The following DNAH2 variants were observed in gnomAD, a reference collection of about 807,000 sequenced individuals.
DNAH2 encodes the protein axonemal beta dynein heavy chain 2.
In DNAH2, 323 loss-of-function variants were observed where a neutral mutation model predicts 523.5. The ratio of observed to expected loss-of-function variants is 0.62; its 90% CI spans 0.56 to 0.68. DNAH2 has a LOEUF of 0.68. Ranked by LOEUF, DNAH2 falls within the 30% of genes least tolerant of loss-of-function variation. DNAH2 has a pLI of 0.00. For missense variants in DNAH2, 4,907 were observed against 5,701.5 expected, an observed-to-expected ratio of 0.86 and a Z score of 4.49; for synonymous variants, 2,093 against 2,177.4, an observed-to-expected ratio of 0.96 and a Z score of 1.08.
Position 7,740,066 on chromosome 17 carries a change from C to CT in DNAH2, c.1376+128_1376+129insT, listed in dbSNP as rs150829111. 2.4e-4 allele frequency: 69 copies of CT among 283,034 alleles called. No individual in the cohort carries two copies. In the African/African-American group the frequency reaches 2.5e-3, roughly 10 times the overall value. The allele number at this position is 283,034 out of a possible 1,614,324, so 17.5% of individuals were successfully genotyped here. On this transcript the variant is annotated intron_variant, in intron 9 of 85. Transcript: ENST00000572933. ...ACAGATCGGGATCAGGGCGGTGGCC[C>CT]GGGGGGGGGGACAGGAGAGAGTGCA...
chr17:7,738,004 C>T, intron 8 of DNAH2: 1 of 703,230 alleles, frequency 1.4e-6, no homozygotes, highest in Non-Finnish European at 2.6e-6. Flanking sequence ...ACGCCATCTC[C>T]CTGGACCGGA....
In DNAH2 at chr17:7,787,015, C is replaced by T; in HGVS notation, c.6585C>T (p.Arg2195=). The change falls in exon 42 of 86, where the codon CGC becomes CGT. Residue 2195 remains arginine (R), a synonymous_variant. Transcript: ENST00000572933. Reference sequence around the variant, plus strand: ...TGTTGACCCTCATCAACGGCGAGCGCATCGCGATGCCCGAGCAGGTCAGGG... The same window carrying T: ...TGTTGACCCTCATCAACGGCGAGCGTATCGCGATGCCCGAGCAGGTCAGGG... ...NKVLTLINGE[R]IAMPEQVSLL... is the part of the protein sequence containing the mutation. The T allele has an allele frequency of 1.2e-6, 2 of 1,614,124 alleles. No individual in the cohort carries two copies. Among genetic ancestry groups the T allele is most frequent in the Admixed American group, 3.3e-5 (2 of 60,024 alleles).
At position 7,793,204 on chromosome 17, in the gene DNAH2, G is replaced by C; in HGVS notation, c.7568G>C (p.Arg2523Pro). Residue 2523 changes from arginine (R) to proline (P), a missense_variant and splice_region_variant, in exon 48 of 86, where the codon CGA (arginine) becomes CCA (proline). Arg to Pro is a moderately radical substitution (Grantham distance 103). Around this residue, in one of 3 missense-constraint regions of DNAH2, gnomAD observed 250 missense variants for 371.3 expected, o/e 0.67. Transcript: ENST00000572933. Reference sequence around the variant, plus strand: ...ACGAAGCAGACCATCAAGTACATTCGAGTAAGCCTCGCTAGAGTCTGTTCT... The same window carrying C: ...ACGAAGCAGACCATCAAGTACATTCCAGTAAGCCTCGCTAGAGTCTGTTCT... The part of the protein sequence containing the change: ...DRTKQTIKYI[R>P]EMFLMAAMGP... The C allele has an allele frequency of 6.2e-7, 1 of 1,612,942 alleles. No individual in the cohort carries two copies. Among genetic ancestry groups the C allele is most frequent in the Non-Finnish European group, 8.5e-7 (1 of 1,179,164 alleles).
At chr17:7,794,608 A>G (rs2077013387) in intron 49 of DNAH2, among the ~76,000 whole-genome samples, 1 of 152,184 alleles carries the variant, frequency 6.6e-6, no homozygotes, top group Non-Finnish European at 1.5e-5. Context: ...AGTGAAGCCC[A>G]AGTAGACTAA....
chr17:7,797,779 C>G lies in DNAH2; in HGVS notation c.8180C>G (p.Pro2727Arg). 6.2e-7 allele frequency: 1 copy of G among 1,614,066 alleles called. No homozygotes were observed. The highest frequency in any genetic ancestry group is 8.5e-7 in the Non-Finnish European group (1 of 1,180,010). ...GCTCTAAATGAGTATAACCTGTCACCCTCTGTCGTGCCCATGCAGCTAGTG... is the reference window on the plus strand; with the variant it reads ...GCTCTAAATGAGTATAACCTGTCACGCTCTGTCGTGCCCATGCAGCTAGTG... ...ETALNEYNLS[P>R]SVVPMQLVLF... The change falls in exon 53 of 86, where the codon CCC becomes CGC. Residue 2727 changes from proline (P) to arginine (R), a missense_variant. By Grantham distance (103) the Pro-to-Arg change is moderately radical. Around this residue, in one of 3 missense-constraint regions of DNAH2, gnomAD observed 250 missense variants for 371.3 expected, o/e 0.67. Transcript: ENST00000572933.
In DNAH2 at chr17:7,727,272, G is replaced by C. The variant is rs2074845930; in HGVS notation, c.379G>C (p.Glu127Gln). Reference protein sequence around the residue: ...FIDPCFGLKLELGMPVQTQNQ... With the variant: ...FIDPCFGLKLQLGMPVQTQNQ... ...TGACCCTTGTTTTGGGCTGAAGCTA[G>C]AGCTGGGCATGCCTGTACAGGTGCG... Residue 127 changes from glutamate (E) to glutamine (Q), a missense_variant, in exon 4 of 86, where the codon GAG becomes CAG. Coordinates refer to ENST00000572933, the MANE Select transcript of DNAH2 (RefSeq NM_020877.5). 5.6e-6 allele frequency: 9 copies of C among 1,612,212 alleles called. No homozygotes were observed. In the East Asian group the frequency reaches 2.0e-4, roughly 36 times the overall value.
chr17:7,795,938 A>G (rs1425586800), intron 49 of DNAH2, among the ~76,000 whole-genome samples: 1 of 147,604 alleles, frequency 6.8e-6, no homozygotes, highest in African/African-American at 2.5e-5. Context: ...CGGAAGTTGC[A>G]GTATAAATAA....
intron 63 of DNAH2, among the ~76,000 whole-genome samples, chr17:7,811,626 C>T (rs771302732): frequency 1.3e-5 from 2 of 152,172 alleles, no homozygotes; most frequent in Non-Finnish European, 2.9e-5. Context: ...TCATGGATGA[C>T]GCTTATGTGT....
intron 5 of DNAH2, among the ~76,000 whole-genome samples, 189 bp from the exon 6 acceptor site, chr17:7,733,994 C>T (rs191901257): frequency 6.6e-6 from 1 of 152,284 alleles, no homozygotes; most frequent in Admixed American, 6.5e-5. Context: ...CTTGTTATAA[C>T]TCCATGAGGT....
chr17:7,825,438 T>C (rs373066487), intron 77 of DNAH2, among the ~76,000 whole-genome samples: 2 of 152,206 alleles, frequency 1.3e-5, no homozygotes, highest in East Asian at 3.8e-4. Flanking sequence ...TGGGTGCCTT[T>C]CATCATTATT....
intron 58 of DNAH2, 39 bp from the exon 59 acceptor site, chr17:7,804,216 AG>A: frequency 6.2e-7 from 1 of 1,607,170 alleles, no homozygotes; most frequent in Non-Finnish European, 8.5e-7. Context: ...GCTTTCCGGA[AG>A]CCCCGCCTCT....
Position 7,758,503 on chromosome 17 carries a change from C to T in DNAH2, c.2060C>T (p.Ala687Val), listed in dbSNP as rs772334731. 1 of 1,613,798 alleles carries T rather than the reference C, an allele frequency of 6.2e-7. No individual in the cohort carries two copies. The highest frequency in any genetic ancestry group is 2.2e-5 in the East Asian group (1 of 44,866). ...LVARDYNRII[A>V]MLSPDEQALF... ...GCCTCTCTTATGCACAGGATTATTG[C>T]CATGCTGTCCCCAGATGAGCAGGCC... Residue 687 changes from alanine (A) to valine (V), a missense_variant, in exon 14 of 86, where the codon GCC becomes GTC. Physicochemically the swap from Ala to Val is moderately conservative, Grantham distance 64. Around this residue, in one of 3 missense-constraint regions of DNAH2, gnomAD observed 2,806 missense variants for 3,190.8 expected, o/e 0.88. Transcript: ENST00000572933.
chr17:7,756,932 A>G (rs2075857206), intron 12 of DNAH2, among the ~76,000 whole-genome samples, 159 bp from the exon 13 acceptor site: 1 of 152,158 alleles, frequency 6.6e-6, no homozygotes, highest in African/African-American at 2.4e-5. Flanking sequence ...CGGCCCCACA[A>G]AGTGCTGGGA....
intron 12 of DNAH2, 86 bp from the exon 13 acceptor site, chr17:7,757,005 C>T (rs1388397512): frequency 1.1e-5 from 17 of 1,567,556 alleles, no homozygotes; most frequent in Admixed American, 1.7e-5. Context: ...TTTCCCTGTG[C>T]TTCCCAGCCT....
chr17:7,780,656 C>G lies in DNAH2; in HGVS notation c.5877C>G (p.Leu1959=), dbSNP rs764721829. The G allele has an allele frequency of 1.2e-6, 2 of 1,614,186 alleles. No homozygotes were observed. Among genetic ancestry groups the G allele is most frequent in the South Asian group, 1.1e-5 (1 of 91,086 alleles). The change falls in exon 38 of 86, where the codon CTC becomes CTG. Residue 1959 remains leucine, a synonymous_variant. Transcript: ENST00000572933. This position sits in a 1 kb window ranked among gnomAD's most constrained non-coding sequence, Gnocchi z 4.4. The stretch of plus-strand genomic sequence containing the variant: ...TTCTGGCCAAGAAGGTGTACACACT[C>G]TACTCACTGGCTGTGCAGCAGCTGT... ...CKILAKKVYT[L]YSLAVQQLSR... is the part of the protein sequence containing the mutation.
chr17:7,723,827 C>T (rs2151118496), intron 3 of DNAH2, 138 bp downstream of exon 3: 1 of 788,246 alleles, frequency 1.3e-6, no homozygotes, highest in Admixed American at 2.1e-5. Flanking sequence ...GCCTACTCAC[C>T]ACAAATCCAG....
chr17:7,833,214 C>A lies in DNAH2; in HGVS notation c.13122C>A (p.Ser4374Arg). ...HFRPAESRKK[S>R]AKGMYSCPCY... ...GGCCTGCAGAGAGCCGCAAGAAGAG[C>A]GCCAAGGGTGGGACAGCTCCCCAGG... Residue 4374 changes from serine (S) to arginine (R), a missense_variant, in exon 85 of 86, where the codon AGC becomes AGA. Transcript: ENST00000572933. 1 of 1,607,046 alleles carries A rather than the reference C, an allele frequency of 6.2e-7. No individual in the cohort carries two copies. Among genetic ancestry groups the A allele is most frequent in the Admixed American group, 1.7e-5 (1 of 60,034 alleles).
intron 28 of DNAH2, among the ~76,000 whole-genome samples, chr17:7,773,694 G>T (rs540993743): frequency 6.6e-6 from 1 of 151,764 alleles, no homozygotes; most frequent in Admixed American, 6.6e-5. Context: ...TTTTTCCTTC[G>T]TCGCAGTTTC....
intron 3 of DNAH2, among the ~76,000 whole-genome samples, chr17:7,725,642 G>T (rs534685378): frequency 1.4e-3 from 214 of 151,280 alleles, no homozygotes; most frequent in African/African-American, 5.0e-3. Flanking sequence ...CACCATGTTG[G>T]CCAGGCTGGT....
Sources: gnomAD v4.1 joint callset for allele counts (sites outside exome capture counted in the v4.1 genomes callset) on GRCh38, gnomAD v4.1.1 for gene constraint, gnomAD v4.1.1 regional missense constraint, Gnocchi (gnomAD v3.1) non-coding constraint, MANE v1.5 for transcripts, NCBI Gene and HGNC (gene_info 2026-07-23, HGNC 2026-07-21) for gene names.